Variants in ZNF688 observed in about 807,000 individuals in gnomAD.
The protein encoded by ZNF688 is zinc finger protein 688.
In ZNF688, 10 loss-of-function variants were observed where a neutral mutation model predicts 13.2. The observed-to-expected ratio is 0.76, with a 90% CI of 0.47 to 1.28. The LOEUF (loss-of-function observed/expected upper bound fraction) is 1.28. Among genes scored for constraint, ZNF688 ranks in the 50% most tolerant of loss-of-function variants. The pLI is 0.00. For synonymous variants in ZNF688, 160 were observed against 159.4 expected, an observed-to-expected ratio of 1.00 and a Z score of -0.03; for missense variants, 381 against 391.4, an observed-to-expected ratio of 0.97 and a Z score of 0.22.
Position 30,569,972 on chromosome 16 carries a change from G to T in ZNF688, c.775C>A (p.Arg259=), listed in dbSNP as rs1332281389. ...TGCCGGAAGAGCACAGGCGGGTCCC[G>T]GTCACCTCGGACGGGGGCCCGAGGC... is the stretch of plus-strand genomic sequence containing the variant. ...AVPRAPVRGD[R]DPPVLFRHYP... The change falls in exon 3 of 3, where the codon CGG becomes AGG. Residue 259 remains arginine (R), a synonymous_variant. Coordinates refer to ENST00000223459, the MANE Select transcript of ZNF688 (RefSeq NM_145271.4). 1.3e-6 allele frequency: 2 copies of T among 1,596,130 alleles called. No homozygotes were observed. The highest frequency in any genetic ancestry group is 8.5e-7 in the Non-Finnish European group (1 of 1,171,926).
chr16:30,571,820 T>G, upstream of ZNF688: 3 of 1,306,104 alleles, frequency 2.3e-6, no homozygotes, highest in Non-Finnish European at 9.7e-7. Flanking sequence ...ACAAATATAA[T>G]TCCTCAGTGT....
the ZNF688 span, among the ~76,000 whole-genome samples, chr16:30,578,094 T>G: frequency 6.6e-6 from 1 of 152,162 alleles, no homozygotes; most frequent in Non-Finnish European, 1.5e-5. Context: ...ATCCTACCAC[T>G]TTGGGAGGCT....
In ZNF688 at chr16:30,571,463, T is replaced by C; in HGVS notation, c.167A>G (p.Gln56Arg). The change falls in exon 1 of 3, where the codon CAG becomes CGG. Residue 56 changes from glutamine to arginine, a missense_variant. Physicochemically the swap from Gln to Arg is conservative, Grantham distance 43. Transcript: ENST00000223459. ...AQRALYRDVM[Q>R]ETYGHLGALG... ...CGCGCCCAGGTGGCCGTAGGTCTCC[T>C]GCATCACGTCCCGGTACAGAGCCCT... The C allele has an allele frequency of 4.4e-6, 7 of 1,585,008 alleles. No homozygotes were observed. The highest frequency in any genetic ancestry group is 6.0e-6 in the Non-Finnish European group (7 of 1,166,840).
upstream of ZNF688, among the ~76,000 whole-genome samples, chr16:30,574,133 G>C (rs2051724205): frequency 6.6e-6 from 1 of 152,076 alleles, no homozygotes; most frequent in African/African-American, 2.4e-5. Context: ...TGTAGTCCCA[G>C]CTACTCAGGA....
At chr16:30,571,406 G>C in intron 1 of ZNF688, 28 bp downstream of exon 1, 1 of 1,549,064 alleles carries the variant, frequency 6.5e-7, no homozygotes. Context: ...CGGTGAAGGA[G>C]GAGGGGGCTC....
In ZNF688 at chr16:30,570,122, G is replaced by T. The variant is rs1484912587; in HGVS notation, c.625C>A (p.Arg209=). ...CCACACTCGGGGCAGGGGAAAGGCC[G>T]CTCCCCCGAGTGCATGCGCCTGTGG... is the stretch of plus-strand genomic sequence containing the variant. The part of the protein sequence containing the change: ...VSHRRMHSGE[R]PFPCPECGMR... The change falls in exon 3 of 3, where the codon CGG becomes AGG. Residue 209 remains arginine (R), a synonymous_variant. Transcript: ENST00000223459. The T allele has an allele frequency of 1.2e-6, 2 of 1,610,958 alleles. No individual in the cohort carries two copies. Among genetic ancestry groups the T allele is most frequent in the Non-Finnish European group, 1.7e-6 (2 of 1,178,682 alleles).
chr16:30,571,665 C>T lies in ZNF688; in HGVS notation c.-36G>A. ...AGCCCCGATCGGCGGCCGCCAGGTC[C>T]CTGGAGCCGCCGCCTCCCCGCTCCC... is the stretch of plus-strand genomic sequence containing the variant. On this transcript the variant is annotated 5_prime_UTR_variant, in exon 1 of 3. Transcript: ENST00000223459. 3 of 1,363,496 alleles carry T rather than the reference C, an allele frequency of 2.2e-6. No homozygotes were observed. The highest frequency in any genetic ancestry group is 2.8e-6 in the Non-Finnish European group (3 of 1,061,590). The allele number at this position is 1,363,496 out of a possible 1,614,324, so 84.5% of individuals were successfully genotyped here.
chr16:30,578,400 G>A, the ZNF688 span: 2 of 152,196 alleles, frequency 1.3e-5, no homozygotes, highest in Non-Finnish European at 2.9e-5. Context: ...AATTGTAAAT[G>A]TTTCTTCAAG....
upstream of ZNF688, among the ~76,000 whole-genome samples, chr16:30,574,641 T>G (rs1357109233): frequency 6.6e-6 from 1 of 152,182 alleles, no homozygotes; most frequent in East Asian, 1.9e-4. Context: ...TCTTCATACA[T>G]AGAATGTACA....
chr16:30,572,532 C>T, upstream of ZNF688: 1 of 395,074 alleles, frequency 2.5e-6, no homozygotes, highest in Admixed American at 4.5e-5. Flanking sequence ...AGGATGGAAT[C>T]GGAATGGGGA....
chr16:30,569,889 A>G lies in ZNF688; in HGVS notation c.*27T>C. On this transcript the variant is annotated 3_prime_UTR_variant, in exon 3 of 3. Transcript: ENST00000223459. ...TCCGTCAGTCCTTCGTGCCAAGGTC[A>G]GGCTCAACTCCAGCCTGCGGTGCCG... is the stretch of plus-strand genomic sequence containing the variant. 1 of 1,509,280 alleles carries G rather than the reference A, an allele frequency of 6.6e-7. No individual in the cohort carries two copies. The highest frequency in any genetic ancestry group is 8.9e-7 in the Non-Finnish European group (1 of 1,129,836). The allele number at this position is 1,509,280 out of a possible 1,614,324, so 93.5% of individuals were successfully genotyped here. A position where few individuals can be genotyped will look rare whatever the true frequency, so the allele number is the denominator to read the frequency against.
the ZNF688 span, chr16:30,578,576 T>G: frequency 6.6e-6 from 1 of 152,204 alleles, no homozygotes; most frequent in South Asian, 2.1e-4. Flanking sequence ...CAGGCTGGAG[T>G]GCAATGGCAC....
upstream of ZNF688, among the ~76,000 whole-genome samples, chr16:30,577,685 G>A (rs977160595): frequency 3.2e-4 from 42 of 129,948 alleles, no homozygotes; most frequent in Non-Finnish European, 4.3e-4. Flanking sequence ...CCGGCCTGTG[G>A]TTTTTTTTTT....
chr16:30,572,905 CTT>C (rs2051708898), upstream of ZNF688, among the ~76,000 whole-genome samples: 1 of 151,664 alleles, frequency 6.6e-6, no homozygotes, highest in Non-Finnish European at 1.5e-5. Context: ...GAGTTTTACT[CTT>C]GTTGCCCAGG....
upstream of ZNF688, among the ~76,000 whole-genome samples, chr16:30,573,249 T>C (rs1052603032): frequency 6.6e-6 from 1 of 152,200 alleles, no homozygotes; most frequent in African/African-American, 2.4e-5. Context: ...TTATCAAAGA[T>C]AGCATCAACT....
At chr16:30,574,317 G>A (rs1272332935), upstream of ZNF688, among the ~76,000 whole-genome samples, 10 of 152,138 alleles carry the variant, frequency 6.6e-5, no homozygotes, top group African/African-American at 2.2e-4. Flanking sequence ...AGGCCAAGGC[G>A]GGAGGATCAC....
upstream of ZNF688, among the ~76,000 whole-genome samples, chr16:30,577,416 T>G (rs2151234061): frequency 6.6e-6 from 1 of 151,288 alleles, no homozygotes; most frequent in East Asian, 2.0e-4. Context: ...AGTCTCGCTC[T>G]GTCGCCAGGC....
upstream of ZNF688, among the ~76,000 whole-genome samples, chr16:30,575,844 T>C (rs2051741106): frequency 6.6e-6 from 1 of 151,340 alleles, no homozygotes; most frequent in Non-Finnish European, 1.5e-5. Flanking sequence ...TTAGTAGAGA[T>C]GAGGTTTCTC....
chr16:30,570,461 C>G, intron 2 of ZNF688, 25 bp from the exon 3 acceptor site: 2 of 1,595,614 alleles, frequency 1.3e-6, no homozygotes, highest in Non-Finnish European at 1.7e-6. Context: ...TTAAGTTACA[C>G]TTACAAACAC....
Sources: allele counts gnomAD v4.1 joint callset (sites outside exome capture counted in the v4.1 genomes callset), GRCh38; gene constraint gnomAD v4.1.1; transcripts MANE v1.5; gene names NCBI Gene and HGNC (gene_info 2026-07-23, HGNC 2026-07-21).